The following IPCEF1 variants were observed in gnomAD, a reference collection of about 807,000 sequenced individuals.
IPCEF1 encodes interaction protein for cytohesin exchange factors 1.
A neutral mutation model predicts 50.9 loss-of-function variants in IPCEF1; 31 were observed. That is an observed-to-expected ratio of 0.61 (90% CI 0.46 to 0.82). IPCEF1 has a LOEUF of 0.82. Ranked by LOEUF, IPCEF1 falls within the 40% of genes least tolerant of loss-of-function variation. The pLI is 0.00. For synonymous variants in IPCEF1, 181 were observed against 192.0 expected (o/e 0.94, Z 0.47); for missense variants, 458 against 514.0 (o/e 0.89, Z 1.05).
intron 5 of IPCEF1, 50 bp downstream of exon 5, chr6:154,246,541 C>T (rs776960012): frequency 2.2e-5 from 35 of 1,558,338 alleles, no homozygotes; most frequent in African/African-American, 2.7e-5. Flanking sequence ...ATGCCTTTAA[C>T]GTATCCCTCA....
Position 154,213,070 on chromosome 6 carries a change from C to G in IPCEF1, c.452-215G>C, listed in dbSNP as rs530656899. ...CGGGGCTCCTGACCTCAAAGAGCAT[C>G]CAATATGCAGGAAGAAGACAAATCG... On this transcript the variant is annotated intron_variant, in intron 8 of 11. Transcript: ENST00000367220. The G allele has an allele frequency of 5.8e-6, 3 of 519,918 alleles. No individual in the cohort carries two copies. In the South Asian group the frequency reaches 8.9e-5, roughly 15 times the overall value. The allele number at this position is 519,918 out of a possible 1,614,324, so 32.2% of individuals were successfully genotyped here.
At chr6:154,171,824 T>A (rs1799895124) in intron 10 of IPCEF1, among the ~76,000 whole-genome samples, 1 of 152,178 alleles carries the variant, frequency 6.6e-6, no homozygotes, top group Non-Finnish European at 1.5e-5. Context: ...GTTTTCAGTT[T>A]TAAGACACAG....
chr6:154,312,434 C>T (rs970355685), intron 1 of IPCEF1, among the ~76,000 whole-genome samples: 2 of 151,938 alleles, frequency 1.3e-5, no homozygotes, highest in Middle Eastern at 3.2e-3. Flanking sequence ...GTAACCTCCA[C>T]CTCCTGGGTT....
At chr6:154,332,889 A>G (rs926376321) in intron 1 of IPCEF1, among the ~76,000 whole-genome samples, 3 of 152,210 alleles carry the variant, frequency 2.0e-5, no homozygotes, top group Non-Finnish European at 4.4e-5. Context: ...AATGCCTTAC[A>G]ACAGCTTGAT....
At chr6:154,269,042 C>T (rs990465371) in intron 2 of IPCEF1, among the ~76,000 whole-genome samples, 2 of 152,172 alleles carry the variant, frequency 1.3e-5, no homozygotes, top group Non-Finnish European at 2.9e-5. Context: ...TATAATATAA[C>T]CTAACTGAAG....
rs1158409392 is a variant in IPCEF1, at chr6:154,159,985, G to C, written c.1160C>G (p.Thr387Arg). 7 of 1,612,766 alleles carry C rather than the reference G, an allele frequency of 4.3e-6. No homozygotes were observed. Among genetic ancestry groups the C allele is most frequent in the Non-Finnish European group, 5.9e-6 (7 of 1,179,954 alleles). The change falls in exon 12 of 12, where the codon ACA (threonine) becomes AGA (arginine). Residue 387 changes from threonine (T) to arginine (R), a missense_variant. Transcript: ENST00000367220. ...INQLLDDPKL[T>R]ARKYREWKVM... Reference sequence around the variant, plus strand: ...TTTCCACTCTCTGTATTTCCTGGCTGTCAGCTTCGGGTCATCCAGCAACTG... The same window carrying C: ...TTTCCACTCTCTGTATTTCCTGGCTCTCAGCTTCGGGTCATCCAGCAACTG...
At chr6:154,226,774 G>T (rs755048747) in intron 5 of IPCEF1, among the ~76,000 whole-genome samples, 2 of 152,014 alleles carry the variant, frequency 1.3e-5, no homozygotes, top group Non-Finnish European at 1.5e-5. Flanking sequence ...CTGCCCTCGG[G>T]TCAAGTCTAA....
Position 154,222,253 on chromosome 6 carries a change from G to C in IPCEF1, c.320+917C>G, listed in dbSNP as rs1367547351. On this transcript the variant is annotated intron_variant, in intron 6 of 11. Transcript: ENST00000367220. ...TTTAGGCAGGAAGTCCTGCAGCACGGCACAGGCCAGGGTTTTTGTAAATAG... is the reference window on the plus strand; with the variant it reads ...TTTAGGCAGGAAGTCCTGCAGCACGCCACAGGCCAGGGTTTTTGTAAATAG... 2.0e-5 allele frequency among the ~76,000 whole-genome samples: 3 copies of C among 152,246 alleles called. No homozygotes were observed. In the East Asian group the frequency reaches 5.8e-4, roughly 29 times the overall value.
rs377246806 is a variant in IPCEF1 at position 154,218,728 on chromosome 6, T to C, written c.392+2529A>G. Among the ~76,000 whole-genome samples the C allele has an allele frequency of 9.2e-5, 14 of 152,342 alleles. No individual in the cohort carries two copies. In the East Asian group the frequency reaches 2.3e-3, roughly 25 times the overall value. ...TTAGAATAATGAAACTCTATAATGA[T>C]ATTATAAACATGAGAAGTTATTATA... is the stretch of plus-strand genomic sequence containing the variant. On this transcript the variant is annotated intron_variant, in intron 7 of 11. Transcript: ENST00000367220.
At chr6:154,311,848 G>A (rs1783085648) in intron 1 of IPCEF1, among the ~76,000 whole-genome samples, 1 of 152,134 alleles carries the variant, frequency 6.6e-6, no homozygotes, top group Non-Finnish European at 1.5e-5. Flanking sequence ...TCAGTCAATG[G>A]GAAGGAAAAT....
intron 1 of IPCEF1, among the ~76,000 whole-genome samples, chr6:154,315,129 C>T (rs4083236): frequency 8.3e-4 from 126 of 152,270 alleles, no homozygotes; most frequent in African/African-American, 2.6e-3. Flanking sequence ...ATGATCTGCC[C>T]GCCTTGGCTT....
intron 3 of IPCEF1, among the ~76,000 whole-genome samples, chr6:154,264,460 C>T (rs568668949): frequency 6.6e-6 from 1 of 152,178 alleles, no homozygotes; most frequent in Admixed American, 6.5e-5. Flanking sequence ...GCAACCTCTA[C>T]CTCCCAGATT....
chr6:154,297,669 C>A lies in IPCEF1; in HGVS notation c.-61-7913G>T, dbSNP rs181334860. ...CCATCATCCCCAGGTCCACAGGTAC[C>A]CACTGTGAACTCATTGTGCATTTCC... On this transcript the variant is annotated intron_variant, in intron 1 of 11. Transcript: ENST00000367220. Among the ~76,000 whole-genome samples, 8 of 152,320 alleles carry A rather than the reference C, an allele frequency of 5.3e-5. No individual in the cohort carries two copies. The East Asian group carries it at 1.2e-3, about 22-fold the overall frequency.
At chr6:154,176,431 C>T (rs1055402440) in intron 10 of IPCEF1, among the ~76,000 whole-genome samples, 1 of 152,150 alleles carries the variant, frequency 6.6e-6, no homozygotes, top group East Asian at 1.9e-4. Flanking sequence ...ACCCCATCAT[C>T]TCAGCCCAAA....
At chr6:154,254,514 C>G (rs1208190287) in intron 3 of IPCEF1, among the ~76,000 whole-genome samples, 1 of 152,222 alleles carries the variant, frequency 6.6e-6, no homozygotes, top group East Asian at 1.9e-4. Context: ...ATCCAATCAC[C>G]TCCCACCAGG....
In IPCEF1 at chr6:154,281,316, A is replaced by G. The variant is rs113151193; in HGVS notation, c.-18+8397T>C. Among the ~76,000 whole-genome samples the G allele has an allele frequency of 7.9e-3, 1,195 of 151,406 alleles. 23 individuals carry two copies. Among genetic ancestry groups the G allele is most frequent in the African/African-American group, 0.028 (1,147 of 41,282 alleles). The stretch of plus-strand genomic sequence containing the variant: ...TGCAGTGAGGCGAGATAGCGCCACT[A>G]CACTCCAGCCTGGGTAACAGAGCAA... On this transcript the variant is annotated intron_variant, in intron 2 of 11. Coordinates refer to ENST00000367220, the MANE Select transcript of IPCEF1 (RefSeq NM_001130700.2).
At chr6:154,296,364 C>A (rs1345632688) in intron 1 of IPCEF1, among the ~76,000 whole-genome samples, 1 of 152,206 alleles carries the variant, frequency 6.6e-6, no homozygotes, top group Non-Finnish European at 1.5e-5. Flanking sequence ...TTCTCTGCTT[C>A]TCCTAGAGGC....
At chr6:154,297,124 A>G (rs1412467792) in intron 1 of IPCEF1, among the ~76,000 whole-genome samples, 1 of 151,156 alleles carries the variant, frequency 6.6e-6, no homozygotes, top group Non-Finnish European at 1.5e-5. Flanking sequence ...TACAGTTGCA[A>G]CCTCCCCAGG....
intron 9 of IPCEF1, among the ~76,000 whole-genome samples, chr6:154,204,808 C>T (rs988730787): frequency 6.6e-6 from 1 of 152,146 alleles, no homozygotes; most frequent in African/African-American, 2.4e-5. Flanking sequence ...TGCAGAAAAC[C>T]CTCTTATAAC....
Sources: allele counts gnomAD v4.1 joint callset (sites outside exome capture counted in the v4.1 genomes callset), GRCh38; gene constraint gnomAD v4.1.1; transcripts MANE v1.5; gene names NCBI Gene and HGNC (gene_info 2026-07-23, HGNC 2026-07-21).